Variants in SCAI observed in about 807,000 individuals in gnomAD.
SCAI encodes the protein protein SCAI.
A neutral mutation model predicts 92.2 loss-of-function variants in SCAI; 24 were observed. The ratio of observed to expected loss-of-function variants is 0.26; its 90% CI spans 0.19 to 0.37. The LOEUF is 0.37. Among genes scored for constraint, SCAI ranks in the 10% least tolerant of loss-of-function variants. The pLI is 1.00. For synonymous variants in SCAI, 261 were observed against 258.6 expected (o/e 1.01, Z -0.09); for missense variants, 450 against 736.2 (o/e 0.61, Z 4.50).
At chr9:125,092,492 A>C (rs1031514748) in intron 2 of SCAI, among the ~76,000 whole-genome samples, 3 of 152,076 alleles carry the variant, frequency 2.0e-5, no homozygotes, top group Non-Finnish European at 2.9e-5. Context: ...AAAATCAGTA[A>C]AGATCCTCCA....
intron 9 of SCAI, among the ~76,000 whole-genome samples, chr9:125,009,138 C>T (rs1486411858): frequency 6.6e-6 from 1 of 151,842 alleles, no homozygotes; most frequent in Non-Finnish European, 1.5e-5. Flanking sequence ...TAAGAAAATA[C>T]ATTCAACTGA....
intron 2 of SCAI, among the ~76,000 whole-genome samples, chr9:125,127,478 C>T (rs1835302166): frequency 6.6e-6 from 1 of 151,248 alleles, no homozygotes; most frequent in Non-Finnish European, 1.5e-5. Context: ...TACGCTCTCA[C>T]CTCAGAATCC....
At chr9:125,016,773 A>G (rs1241529551) in intron 9 of SCAI, among the ~76,000 whole-genome samples, 2 of 152,186 alleles carry the variant, frequency 1.3e-5, no homozygotes, top group East Asian at 1.9e-4. Context: ...AAGATATCAT[A>G]GATCTAAATA....
intron 2 of SCAI, among the ~76,000 whole-genome samples, chr9:125,069,184 C>A (rs1833928868): frequency 6.6e-6 from 1 of 151,742 alleles, no homozygotes; most frequent in South Asian, 2.1e-4. Flanking sequence ...TGCCACTGCA[C>A]TCCAGCCTGG....
chr9:125,056,515 T>C (rs979023073), intron 2 of SCAI, among the ~76,000 whole-genome samples: 4 of 152,098 alleles, frequency 2.6e-5, no homozygotes, highest in Non-Finnish European at 5.9e-5. Flanking sequence ...ATCATTGGTA[T>C]GGATGAAAAT....
At chr9:125,026,452 G>T (rs1462184562) in intron 6 of SCAI, among the ~76,000 whole-genome samples, 1 of 151,574 alleles carries the variant, frequency 6.6e-6, no homozygotes, top group Non-Finnish European at 1.5e-5. Flanking sequence ...CATGACAGTT[G>T]TCACCAGGCT....
chr9:125,118,289 G>A (rs965759564), intron 2 of SCAI, among the ~76,000 whole-genome samples: 5 of 152,052 alleles, frequency 3.3e-5, no homozygotes, highest in African/African-American at 1.2e-4. Context: ...CAGCACAGGA[G>A]GATCATTTGA....
intron 2 of SCAI, among the ~76,000 whole-genome samples, chr9:125,069,350 C>A (rs1833932880): frequency 6.7e-6 from 1 of 150,264 alleles, no homozygotes; most frequent in Non-Finnish European, 1.5e-5. Context: ...CGGAGTCTTG[C>A]TCTGTCGCCC....
At chr9:124,987,949 C>A (rs934720454) in intron 14 of SCAI, among the ~76,000 whole-genome samples, 1 of 151,708 alleles carries the variant, frequency 6.6e-6, no homozygotes, top group Non-Finnish European at 1.5e-5. Flanking sequence ...GGTAACAGAG[C>A]GAGACTTCTT....
intron 12 of SCAI, 84 bp downstream of exon 12, chr9:125,001,881 G>T: frequency 1.1e-6 from 1 of 929,184 alleles, no homozygotes; most frequent in Non-Finnish European, 1.7e-6. Flanking sequence ...GGCTGAGATG[G>T]TCTGTGGGCT....
intron 17 of SCAI, among the ~76,000 whole-genome samples, chr9:124,960,411 T>C (rs911189639): frequency 6.6e-6 from 1 of 152,168 alleles, no homozygotes; most frequent in South Asian, 2.1e-4. Context: ...TAGCCAACAC[T>C]GTACAACTGC....
rs140140662 is a variant in SCAI, at chr9:124,985,078, G to A, written c.1327-8892C>T. Among the ~76,000 whole-genome samples the A allele has an allele frequency of 2.1e-3, 317 of 152,222 alleles. 1 individual carries two copies. The highest frequency in any genetic ancestry group is 5.5e-3 in the African/African-American group (227 of 41,530). ...AAGATGGGAATCTAATAGAAAACTC[G>A]CCCTGCATTAAACTGGAATCCTCAG... is the stretch of plus-strand genomic sequence containing the variant. On this transcript the variant is annotated intron_variant, in intron 14 of 17. Transcript: ENST00000336505.
chr9:125,038,135 T>C (rs1362247077), intron 3 of SCAI, among the ~76,000 whole-genome samples: 2 of 152,020 alleles, frequency 1.3e-5, no homozygotes, highest in African/African-American at 2.4e-5. Flanking sequence ...CACAGGCCTG[T>C]AGTGCTAGCT....
intron 2 of SCAI, among the ~76,000 whole-genome samples, chr9:125,130,412 A>G (rs1332161597): frequency 2.0e-5 from 3 of 152,208 alleles, no homozygotes; most frequent in Non-Finnish European, 4.4e-5. Context: ...AGTTGTGATT[A>G]CACAACTAGG....
rs536558318 is a variant in SCAI, at chr9:124,990,767, A to G, written c.1326+4167T>C. ...CAAAATAGCCAAAAACTATTTGAAG[A>G]GCGGCCTCTGGGAAGAGGCAAATAG... On this transcript the variant is annotated intron_variant, in intron 14 of 17. Coordinates refer to ENST00000336505, the MANE Select transcript of SCAI (RefSeq NM_001144877.3). 2.7e-4 allele frequency among the ~76,000 whole-genome samples: 41 copies of G among 152,356 alleles called. No homozygotes were observed. In the South Asian group the frequency reaches 7.7e-3, roughly 29 times the overall value.
chr9:125,115,946 G>C (rs559447580), intron 2 of SCAI, among the ~76,000 whole-genome samples: 79 of 152,312 alleles, frequency 5.2e-4, no homozygotes, highest in African/African-American at 1.9e-3. Context: ...TGTAATCCCA[G>C]CATTTTGGGA....
Position 125,003,205 on chromosome 9 carries a change from T to C in SCAI, c.974A>G (p.Asp325Gly), listed in dbSNP as rs534187519. The C allele has an allele frequency of 1.2e-6, 2 of 1,612,196 alleles. No individual in the cohort carries two copies. The highest frequency in any genetic ancestry group is 2.2e-5 in the East Asian group (1 of 44,862). The change falls in exon 11 of 18, where the codon GAC becomes GGC. Residue 325 changes from aspartate to glycine, a missense_variant. Physicochemically the swap from Asp to Gly is moderately conservative, Grantham distance 94. Transcript: ENST00000336505. ...MNKPGMQESADKPTRRENPHK... is the reference protein window; with the variant it reads ...MNKPGMQESAGKPTRRENPHK... ...GGGGTTTTCTCGTCTAGTAGGCTTG[T>C]CAGCTGATTCCTATATTTACACACA...
At chr9:125,071,122 G>T (rs1250890053) in intron 2 of SCAI, among the ~76,000 whole-genome samples, 1 of 152,174 alleles carries the variant, frequency 6.6e-6, no homozygotes, top group Non-Finnish European at 1.5e-5. Flanking sequence ...TAGCTACATG[G>T]AGGTGTGAGT....
chr9:125,142,006 C>T (rs1314387710), intron 2 of SCAI, among the ~76,000 whole-genome samples: 1 of 152,178 alleles, frequency 6.6e-6, no homozygotes, highest in African/African-American at 2.4e-5. Context: ...CACTGCATCA[C>T]TGCAGCCTTG....
Sources: allele counts gnomAD v4.1 joint callset (sites outside exome capture counted in the v4.1 genomes callset), GRCh38; gene constraint gnomAD v4.1.1; transcripts MANE v1.5; gene names NCBI Gene and HGNC (gene_info 2026-07-23, HGNC 2026-07-21).